CD1E: variants seen among roughly 807,000 people sequenced by gnomAD.
The protein encoded by CD1E is T-cell surface glycoprotein CD1e, membrane-associated.
A neutral mutation model predicts 40.1 loss-of-function variants in CD1E; 49 were observed. That is an observed-to-expected ratio of 1.22 (90% CI 0.97 to 1.55). CD1E has a LOEUF of 1.55. Among genes scored for constraint, CD1E ranks in the 40% most tolerant of loss-of-function variants. The pLI is 0.00. For missense variants in CD1E, 492 were observed against 471.3 expected (o/e 1.04, Z -0.41); for synonymous variants, 189 against 178.3 (o/e 1.06, Z -0.48).
In CD1E at chr1:158,356,070, G is replaced by A; in HGVS notation, c.869G>A (p.Ser290Asn). 2 of 1,613,948 alleles carry A rather than the reference G, an allele frequency of 1.2e-6. No homozygotes were observed. Among genetic ancestry groups the A allele is most frequent in the Non-Finnish European group, 8.5e-7 (1 of 1,179,882 alleles). ...GGCCTGTCCTGTCGGGTGAAACACA[G>A]CAGTCTAGGGGGCCATGATCTAATC... ...AAGLSCRVKH[S>N]SLGGHDLIIH... Residue 290 changes from serine to asparagine, a missense_variant, in exon 4 of 6, where the codon AGC becomes AAC. Transcript: ENST00000368167.
chr1:158,354,737 A>G (rs1203248762), intron 2 of CD1E, 64 bp downstream of exon 2: 2 of 1,382,900 alleles, frequency 1.4e-6, no homozygotes, highest in East Asian at 2.3e-5. Context: ...AAAGTGGAAG[A>G]TAGTATATAG....
rs1653712561 is a variant in CD1E at position 158,356,541 on chromosome 1, A to C, written c.948A>C (p.Ile316=). 1 of 1,613,946 alleles carries C rather than the reference A, an allele frequency of 6.2e-7. No homozygotes were observed. Among genetic ancestry groups the C allele is most frequent in the African/African-American group, 1.3e-5 (1 of 75,044 alleles). The change falls in exon 5 of 6, where the codon ATA becomes ATC. Residue 316 remains isoleucine, a synonymous_variant. Coordinates refer to ENST00000368167, the MANE Select transcript of CD1E (RefSeq NM_030893.4). ...TCATCCTGATCTGTTTGACTGTGATAGTTACCCTGGTCATATTGGTTGTAG... is the reference window on the plus strand; with the variant it reads ...TCATCCTGATCTGTTTGACTGTGATCGTTACCCTGGTCATATTGGTTGTAG... ...IFLILICLTV[I]VTLVILVVVD...
intron 2 of CD1E, 79 bp from the exon 3 acceptor site, chr1:158,355,221 T>C (rs1653468683): frequency 1.1e-5 from 15 of 1,416,600 alleles, no homozygotes; most frequent in Non-Finnish European, 1.4e-5. Flanking sequence ...TTCCCTTGAA[T>C]CTCTTTACTG....
In CD1E at chr1:158,354,593, A is replaced by T. The variant is rs1174580057; in HGVS notation, c.275A>T (p.Asn92Ile). ...HGNFSKQELK[N>I]LQSLFQLYFH... ...AACTTCAGCAAGCAGGAGCTGAAAA[A>T]CTTACAGTCACTGTTCCAGTTATAC... is the stretch of plus-strand genomic sequence containing the variant. Residue 92 changes from asparagine to isoleucine, a missense_variant, in exon 2 of 6, where the codon AAC becomes ATC. Asn to Ile is a moderately radical substitution (Grantham distance 149, BLOSUM62 -3). Coordinates refer to ENST00000368167, the MANE Select transcript of CD1E (RefSeq NM_030893.4). 1 of 1,613,910 alleles carries T rather than the reference A, an allele frequency of 6.2e-7. No homozygotes were observed. Among genetic ancestry groups the T allele is most frequent in the East Asian group, 2.2e-5 (1 of 44,862 alleles).
Position 158,355,014 on chromosome 1 carries a change from T to G in CD1E, c.356-286T>G, listed in dbSNP as rs1489635096. 2.6e-5 allele frequency among the ~76,000 whole-genome samples: 4 copies of G among 152,344 alleles called. No homozygotes were observed. The East Asian group carries it at 7.7e-4, about 29-fold the overall frequency. On this transcript the variant is annotated intron_variant, in intron 2 of 5. Coordinates refer to ENST00000368167, the MANE Select transcript of CD1E (RefSeq NM_030893.4). ...TTTATCCTTTGCCTGAGTGTTGACA[T>G]GGACTGGCCTGTACCTAACCACTTT...
intron 4 of CD1E, 102 bp downstream of exon 4, chr1:158,356,207 G>T (rs781673680): frequency 7.6e-7 from 1 of 1,315,268 alleles, no homozygotes; most frequent in South Asian, 1.4e-5. Flanking sequence ...TACAAGAAGG[G>T]TAAAACTGGG....
At chr1:158,355,799 C>T (rs781056112) in intron 3 of CD1E, 28 bp from the exon 4 acceptor site, 1 of 1,589,666 alleles carries the variant, frequency 6.3e-7, no homozygotes, top group African/African-American at 1.4e-5. Flanking sequence ...TTCAAAATTC[C>T]ATTTTTTTTC....
At position 158,355,916 on chromosome 1, in the gene CD1E, C is replaced by A. The variant is rs1653595422; in HGVS notation, c.715C>A (p.Pro239Thr). 6.2e-7 allele frequency: 1 copy of A among 1,614,024 alleles called. No individual in the cohort carries two copies. The highest frequency in any genetic ancestry group is 1.1e-5 in the South Asian group (1 of 91,070). ...VCHVSGFYPK[P>T]VWVMWMRGEQ... Reference sequence around the variant, plus strand: ...CCATGTCTCAGGATTCTACCCAAAGCCCGTGTGGGTGATGTGGATGCGGGG... The same window carrying A: ...CCATGTCTCAGGATTCTACCCAAAGACCGTGTGGGTGATGTGGATGCGGGG... The change falls in exon 4 of 6, where the codon CCC becomes ACC. Residue 239 changes from proline to threonine, a missense_variant. Physicochemically the swap from Pro to Thr is conservative, Grantham distance 38. Transcript: ENST00000368167.
chr1:158,355,952 CA>C lies in CD1E; in HGVS notation c.752del (p.Gln251ArgfsTer37). 1 of 1,614,138 alleles carries C rather than the reference CA, an allele frequency of 6.2e-7. No individual in the cohort carries two copies. The highest frequency in any genetic ancestry group is 8.5e-7 in the Non-Finnish European group (1 of 1,180,034). On this transcript the variant is annotated frameshift_variant, in exon 4 of 6. Coordinates refer to ENST00000368167, the MANE Select transcript of CD1E (RefSeq NM_030893.4). LOFTEE classifies it high-confidence loss of function. Reference protein sequence around the residue: ...WVMWMRGEQEQRGTQRGDVLP... With the variant: ...WVMWMRGEQEXRGTQRGDVLP... ...GATGTGGATGCGGGGTGAGCAGGAG[CA>C]GCGGGGCACTCAGCGAGGGGACGTC...
intron 2 of CD1E, 71 bp from the exon 3 acceptor site, chr1:158,355,229 C>T: frequency 6.9e-7 from 1 of 1,456,934 alleles, no homozygotes; most frequent in African/African-American, 1.4e-5. Context: ...AATCTCTTTA[C>T]TGTCTAAATT....
rs1012194065 is a variant in CD1E, at chr1:158,355,891, C to T, written c.690C>T (p.Cys230=). The T allele has an allele frequency of 1.2e-6, 2 of 1,613,998 alleles. No homozygotes were observed. The highest frequency in any genetic ancestry group is 1.7e-6 in the Non-Finnish European group (2 of 1,180,032). The change falls in exon 4 of 6, where the codon TGC becomes TGT. Residue 230 remains cysteine, a synonymous_variant. Transcript: ENST00000368167. ...GCCCTGGCCGTCTGCAGCTTGTGTG[C>T]CATGTCTCAGGATTCTACCCAAAGC... ...SPGPGRLQLV[C]HVSGFYPKPV... is the part of the protein sequence containing the mutation.
At position 158,355,552 on chromosome 1, in the gene CD1E, C is replaced by A; in HGVS notation, c.608C>A (p.Ser203Ter). The A allele has an allele frequency of 6.2e-7, 1 of 1,613,974 alleles. No individual in the cohort carries two copies. Among genetic ancestry groups the A allele is most frequent in the Middle Eastern group, 1.7e-4 (1 of 6,058 alleles). The change falls in exon 3 of 6, where the codon TCA (serine) becomes TAA (stop). Residue 203 changes from serine (S) to a stop codon, truncating the protein, a stop_gained. Coordinates refer to ENST00000368167, the MANE Select transcript of CD1E (RefSeq NM_030893.4). LOFTEE classifies it high-confidence loss of function. ...GCGGGGCTCATGGAAGCAGGGGAGT[C>A]AGAACTGAAACGGAAAGGTGAGCCC... ...FLAGLMEAGESELKRKVKPEA... is the reference protein window; with the variant it reads ...FLAGLMEAGE
In CD1E at chr1:158,355,459, T is replaced by C. The variant is rs371146176; in HGVS notation, c.515T>C (p.Leu172Pro). ...GIRAQNICKV[L>P]NRYLDIKEIL... is the part of the protein sequence containing the mutation. Reference sequence around the variant, plus strand: ...CGGGCCCAGAACATCTGTAAAGTGCTCAATCGCTACCTAGATATTAAGGAA... The same window carrying C: ...CGGGCCCAGAACATCTGTAAAGTGCCCAATCGCTACCTAGATATTAAGGAA... The change falls in exon 3 of 6, where the codon CTC becomes CCC. Residue 172 changes from leucine (L) to proline (P), a missense_variant. By Grantham distance (98) the Leu-to-Pro change is moderately conservative (BLOSUM62 -3). Coordinates refer to ENST00000368167, the MANE Select transcript of CD1E (RefSeq NM_030893.4). The C allele has an allele frequency of 7.4e-6, 12 of 1,614,014 alleles. No homozygotes were observed. Among genetic ancestry groups the C allele is most frequent in the Non-Finnish European group, 9.3e-6 (11 of 1,180,032 alleles).
At position 158,356,851 on chromosome 1, in the gene CD1E, CAG is replaced by C. The variant is rs750423285; in HGVS notation, c.1125_1126del (p.Arg375SerfsTer22). The part of the protein sequence containing the change: ...CLAQVSWIKN[R>X]VLKKWKTRLN... The stretch of plus-strand genomic sequence containing the variant: ...TGGCACAAGTATCGTGGATCAAAAA[CAG>C]AGTATTGAAGAAGTGGAAGACACGC... On this transcript the variant is annotated frameshift_variant, in exon 6 of 6. Transcript: ENST00000368167. LOFTEE classifies it low-confidence loss of function (END_TRUNC). 2 of 1,614,040 alleles carry C rather than the reference CAG, an allele frequency of 1.2e-6. No individual in the cohort carries two copies. Among genetic ancestry groups the C allele is most frequent in the Non-Finnish European group, 1.7e-6 (2 of 1,180,008 alleles).
In CD1E at chr1:158,355,742, A is replaced by T. The variant is rs890756783; in HGVS notation, c.626-85A>T. The T allele has an allele frequency of 6.8e-7, 1 of 1,468,116 alleles. No individual in the cohort carries two copies. The allele number at this position is 1,468,116 out of a possible 1,614,324, so 90.9% of individuals were successfully genotyped here. A position where few individuals can be genotyped will look rare whatever the true frequency, so the allele number is the denominator to read the frequency against. On this transcript the variant is annotated intron_variant, in intron 3 of 5. Transcript: ENST00000368167. ...AAGTGATTACTAAATCACTCTTAGT[A>T]TTATTACAAAGGCACCTGAGTCTCT... is the stretch of plus-strand genomic sequence containing the variant.
At position 158,356,737 on chromosome 1, in the gene CD1E, G is replaced by C; in HGVS notation, c.1008G>C (p.Lys336Asn). Residue 336 changes from lysine to asparagine, a missense_variant, in exon 6 of 6, where the codon AAG becomes AAC. By Grantham distance (94) the Lys-to-Asn change is moderately conservative. Coordinates refer to ENST00000368167, the MANE Select transcript of CD1E (RefSeq NM_030893.4). ...DSRLKKQSSN[K>N]NILSPHTPSP... is the part of the protein sequence containing the mutation. ...TCCTCTTTTCCCACAGTTCAAATAAGAACATTCTTTCTCCCCACACACCCA... is the reference window on the plus strand; with the variant it reads ...TCCTCTTTTCCCACAGTTCAAATAACAACATTCTTTCTCCCCACACACCCA... 2 of 1,610,528 alleles carry C rather than the reference G, an allele frequency of 1.2e-6. No individual in the cohort carries two copies. Among genetic ancestry groups the C allele is most frequent in the Non-Finnish European group, 1.7e-6 (2 of 1,179,380 alleles).
chr1:158,355,080 G>A (rs184650553), intron 2 of CD1E, among the ~76,000 whole-genome samples: 2 of 152,042 alleles, frequency 1.3e-5, no homozygotes, highest in East Asian at 1.9e-4. Flanking sequence ...CTTCCTGATA[G>A]CCTTCCCATC....
At chr1:158,354,295 T>C (rs1024360708) in intron 1 of CD1E, 82 bp from the exon 2 acceptor site, 5 of 1,327,826 alleles carry the variant, frequency 3.8e-6, no homozygotes, top group Non-Finnish European at 5.2e-6. Flanking sequence ...CTGTCTCTCA[T>C]CTCTGGGTTC....
chr1:158,355,791 C>A, intron 3 of CD1E, 36 bp from the exon 4 acceptor site: 1 of 1,582,788 alleles, frequency 6.3e-7, no homozygotes, highest in Non-Finnish European at 8.6e-7. Flanking sequence ...GGGTGCCCTT[C>A]AAAATTCCAT....
Sources: allele counts gnomAD v4.1 joint callset (sites outside exome capture counted in the v4.1 genomes callset), GRCh38; gene constraint gnomAD v4.1.1; transcripts MANE v1.5; gene names NCBI Gene and HGNC (gene_info 2026-07-23, HGNC 2026-07-21).